CCDC73: variants seen among roughly 807,000 people sequenced by gnomAD.
The protein encoded by CCDC73 is coiled-coil domain-containing protein 73.
A neutral mutation model predicts 116.5 loss-of-function variants in CCDC73; 95 were observed. The observed-to-expected ratio is 0.82, with a 90% CI of 0.69 to 0.97. CCDC73 has a LOEUF of 0.97. Ranked by LOEUF, CCDC73 falls within the 50% of genes least tolerant of loss-of-function variation. The pLI is 0.00. For synonymous variants in CCDC73, 398 were observed against 401.3 expected (o/e 0.99, Z 0.10); for missense variants, 1,066 against 1,206.8 (o/e 0.88, Z 1.73).
intron 1 of CCDC73, among the ~76,000 whole-genome samples, chr11:32,793,499 T>C (rs1234176816): frequency 6.6e-6 from 1 of 152,254 alleles, no homozygotes; most frequent in African/African-American, 2.4e-5. Flanking sequence ...ATTTTCTTTC[T>C]AAAAGAAGTG....
the CCDC73 span, among the ~76,000 whole-genome samples, chr11:32,803,470 TA>T: frequency 2.0e-5 from 3 of 152,252 alleles, no homozygotes; most frequent in Non-Finnish European, 1.5e-5. Context: ...TTTTAGTAAA[TA>T]TTAACAAATC....
chr11:32,737,273 G>A (rs1739847), intron 2 of CCDC73, among the ~76,000 whole-genome samples: 19,935 of 131,370 alleles, frequency 0.15, 1,616 homozygotes, highest in African/African-American at 0.27. Flanking sequence ...GTGTGTGTGT[G>A]TATATACATG....
intron 1 of CCDC73, among the ~76,000 whole-genome samples, chr11:32,761,040 T>C (rs1717357013): frequency 2.6e-5 from 4 of 152,150 alleles, no homozygotes; most frequent in Admixed American, 2.6e-4. Context: ...CATATAACTA[T>C]GACCTCAATT....
chr11:32,622,211 T>TA (rs1168313204), intron 14 of CCDC73, among the ~76,000 whole-genome samples: 1 of 152,158 alleles, frequency 6.6e-6, no homozygotes, highest in Non-Finnish European at 1.5e-5. Flanking sequence ...CATGCACACA[T>TA]ACGTTTATTG....
intron 13 of CCDC73, among the ~76,000 whole-genome samples, chr11:32,640,495 CTT>C (rs1855722847): frequency 6.6e-6 from 1 of 152,066 alleles, no homozygotes; most frequent in Admixed American, 6.6e-5. Context: ...TTTCCATGGG[CTT>C]TTAAACACTG....
At chr11:32,681,432 A>G (rs2133293375) in intron 7 of CCDC73, 1 of 152,028 alleles carries the variant, frequency 6.6e-6, no homozygotes, top group East Asian at 1.9e-4. Context: ...ATTTTTTCAA[A>G]GGGGAGGTAC....
intron 7 of CCDC73, among the ~76,000 whole-genome samples, chr11:32,679,687 G>A (rs935692889): frequency 6.6e-6 from 1 of 151,978 alleles, no homozygotes; most frequent in Non-Finnish European, 1.5e-5. Context: ...TTTGATTTTT[G>A]ATTCTAATCA....
chr11:32,632,501 C>T (rs999056146), intron 14 of CCDC73, among the ~76,000 whole-genome samples: 5 of 152,152 alleles, frequency 3.3e-5, no homozygotes, highest in African/African-American at 1.2e-4. Flanking sequence ...GCTGGGATTA[C>T]AGGTGTGAGC....
At chr11:32,818,466 C>T in the CCDC73 span, among the ~76,000 whole-genome samples, 1 of 152,184 alleles carries the variant, frequency 6.6e-6, no homozygotes, top group Non-Finnish European at 1.5e-5. Context: ...TAGCCAAGTA[C>T]CACACACATA....
Position 32,743,703 on chromosome 11 carries a change from CTGTT to C in CCDC73, c.135+16402_135+16405del, listed in dbSNP as rs371307525. On this transcript the variant is annotated intron_variant, in intron 2 of 17. Coordinates refer to ENST00000335185, the MANE Select transcript of CCDC73 (RefSeq NM_001008391.4). ...GGGAATTCACTCATGACTTGGCTCT[CTGTT>C]TGTCTGTTATTGGTGTATAGGAATG... is the stretch of plus-strand genomic sequence containing the variant. Among the ~76,000 whole-genome samples, 69 of 152,212 alleles carry C rather than the reference CTGTT, an allele frequency of 4.5e-4. 1 individual carries two copies. In the South Asian group the frequency reaches 0.012, roughly 27 times the overall value.
chr11:32,664,245 A>T (rs1855958592), intron 9 of CCDC73, among the ~76,000 whole-genome samples: 1 of 152,186 alleles, frequency 6.6e-6, no homozygotes, highest in African/African-American at 2.4e-5. Flanking sequence ...GAGTAGTTTC[A>T]GAAGGACTGG....
chr11:32,643,366 T>C (rs1855749743), intron 12 of CCDC73, among the ~76,000 whole-genome samples: 1 of 152,094 alleles, frequency 6.6e-6, no homozygotes, highest in South Asian at 2.1e-4. Flanking sequence ...TATAGGTATA[T>C]ACAGTCATGT....
intron 1 of CCDC73, among the ~76,000 whole-genome samples, chr11:32,789,215 T>A (rs1340286652): frequency 6.6e-6 from 1 of 152,146 alleles, no homozygotes; most frequent in Non-Finnish European, 1.5e-5. Flanking sequence ...AAGGGAATAA[T>A]ACTCCTCTCA....
intron 12 of CCDC73, among the ~76,000 whole-genome samples, chr11:32,651,469 C>T (rs570049558): frequency 6.6e-6 from 1 of 152,280 alleles, no homozygotes; most frequent in East Asian, 1.9e-4. Context: ...AAATGTGACC[C>T]AGTCAAACTG....
At chr11:32,711,347 T>C (rs1195230574) in intron 3 of CCDC73, among the ~76,000 whole-genome samples, 1 of 152,158 alleles carries the variant, frequency 6.6e-6, no homozygotes, top group African/African-American at 2.4e-5. Flanking sequence ...ACATCCATGT[T>C]TATAGCAGCA....
the CCDC73 span, among the ~76,000 whole-genome samples, chr11:32,825,587 C>T: frequency 3.5e-3 from 537 of 152,262 alleles, 6 homozygotes; most frequent in African/African-American, 0.012. Flanking sequence ...CAGGCGTGAG[C>T]GCTTGGCCTC....
the CCDC73 span, among the ~76,000 whole-genome samples, chr11:32,817,320 T>A: frequency 2.0e-5 from 3 of 152,262 alleles, no homozygotes; most frequent in Non-Finnish European, 4.4e-5. Flanking sequence ...CATAAGTTGC[T>A]AAATACTGGG....
intron 1 of CCDC73, among the ~76,000 whole-genome samples, chr11:32,770,360 G>C (rs1374207092): frequency 1.3e-5 from 2 of 152,164 alleles, no homozygotes; most frequent in African/African-American, 4.8e-5. Context: ...AGCTATCCTA[G>C]ATTCAAAGGG....
chr11:32,721,188 C>A (rs181779119), intron 2 of CCDC73, among the ~76,000 whole-genome samples: 30 of 152,142 alleles, frequency 2.0e-4, no homozygotes, highest in African/African-American at 6.3e-4. Context: ...CCATGCCCAG[C>A]TAATTTTTAT....
Sources: allele counts gnomAD v4.1 joint callset (sites outside exome capture counted in the v4.1 genomes callset), GRCh38; gene constraint gnomAD v4.1.1; transcripts MANE v1.5; gene names NCBI Gene and HGNC (gene_info 2026-07-23, HGNC 2026-07-21).